Variants in OPCML observed in about 807,000 individuals in gnomAD.
The protein encoded by OPCML is opioid binding protein/cell adhesion molecule like.
In OPCML, 13 loss-of-function variants were observed where a neutral mutation model predicts 37.8. The observed-to-expected ratio is 0.34, with a 90% CI of 0.22 to 0.55. The LOEUF (loss-of-function observed/expected upper bound fraction) is 0.55. Ranked by LOEUF, OPCML falls within the 20% of genes least tolerant of loss-of-function variation. The pLI is 0.91. For synonymous variants in OPCML, 176 were observed against 168.8 expected (o/e 1.04, Z -0.33); for missense variants, 341 against 435.6 (o/e 0.78, Z 1.93).
intron 2 of OPCML, among the ~76,000 whole-genome samples, chr11:132,862,462 T>C (rs1339039920): frequency 1.3e-5 from 2 of 149,860 alleles, no homozygotes; most frequent in Non-Finnish European, 3.0e-5. Flanking sequence ...CATCATCGTA[T>C]CTAGCTCTGT....
chr11:133,401,200 A>C (rs1391409866), intron 1 of OPCML, among the ~76,000 whole-genome samples: 1 of 152,218 alleles, frequency 6.6e-6, no homozygotes, highest in East Asian at 1.9e-4. Context: ...GTGTGAGAGT[A>C]AAATGAAATA....
chr11:133,125,245 A>T (rs1379853195), intron 1 of OPCML, among the ~76,000 whole-genome samples: 1 of 152,136 alleles, frequency 6.6e-6, no homozygotes, highest in Admixed American at 6.5e-5. Context: ...TCCCTAAGTG[A>T]AAACATCCCT....
rs546198063 is a variant in OPCML at position 133,068,131 on chromosome 11, T to C, written c.62-125121A>G. On this transcript the variant is annotated intron_variant, in intron 1 of 7. Transcript: ENST00000524381. ...GTATTTATTTTAAAGCAGCAAAGAT[T>C]GATACTGACAGATGGTATTTTTATT... The C allele has an allele frequency of 9.8e-5, 15 of 152,346 alleles. No homozygotes were observed. The South Asian group carries it at 2.9e-3, about 29-fold the overall frequency. 9.4% of individuals were successfully genotyped at this position (152,346 alleles called of 1,614,324 possible).
At chr11:132,748,608 G>A (rs1188892438) in intron 2 of OPCML, among the ~76,000 whole-genome samples, 2 of 152,220 alleles carry the variant, frequency 1.3e-5, no homozygotes, top group Admixed American at 6.5e-5. Flanking sequence ...GCGCTGGCTG[G>A]AGAGGAAGGA....
At chr11:132,686,571 C>G (rs1344300134) in intron 2 of OPCML, among the ~76,000 whole-genome samples, 1 of 152,174 alleles carries the variant, frequency 6.6e-6, no homozygotes, top group Non-Finnish European at 1.5e-5. Context: ...TTATGGCCAG[C>G]ACATGGGTTC....
intron 2 of OPCML, among the ~76,000 whole-genome samples, chr11:132,662,396 T>C (rs1942013956): frequency 1.4e-5 from 2 of 144,036 alleles, no homozygotes; most frequent in South Asian, 4.5e-4. Context: ...GTTTTTATAT[T>C]TTGTCTTTGA....
At chr11:132,946,675 G>T (rs1260695124) in intron 1 of OPCML, among the ~76,000 whole-genome samples, 1 of 152,186 alleles carries the variant, frequency 6.6e-6, no homozygotes, top group Non-Finnish European at 1.5e-5. Flanking sequence ...TATGACAAAG[G>T]CAGCAGTGGG....
intron 3 of OPCML, among the ~76,000 whole-genome samples, chr11:132,560,531 C>CA (rs1187281770): frequency 2.0e-5 from 3 of 152,138 alleles, no homozygotes; most frequent in Non-Finnish European, 4.4e-5. Flanking sequence ...CACAAGTCCC[C>CA]AAAGTCCATT....
At chr11:132,567,597 G>A (rs935673834) in intron 3 of OPCML, among the ~76,000 whole-genome samples, 4 of 152,164 alleles carry the variant, frequency 2.6e-5, no homozygotes. Flanking sequence ...TCGGGCAGGG[G>A]GAGGCAAGGT....
chr11:132,638,145 A>G (rs938815694), intron 3 of OPCML, among the ~76,000 whole-genome samples: 4 of 129,884 alleles, frequency 3.1e-5, no homozygotes, highest in African/African-American at 8.6e-5. Flanking sequence ...TCAGAAAGCT[A>G]AAGAGCATAT....
chr11:132,603,331 A>G (rs183455828), intron 3 of OPCML, among the ~76,000 whole-genome samples: 2 of 152,318 alleles, frequency 1.3e-5, no homozygotes, highest in Admixed American at 6.5e-5. Flanking sequence ...ATCTTGTGCT[A>G]TAATCCCCTT....
intron 2 of OPCML, among the ~76,000 whole-genome samples, chr11:132,765,397 T>C (rs1946402590): frequency 6.6e-6 from 1 of 152,222 alleles, no homozygotes; most frequent in Admixed American, 6.5e-5. Context: ...TTTGGAAATT[T>C]AATGCGAGAT....
intron 1 of OPCML, among the ~76,000 whole-genome samples, chr11:133,133,386 T>C (rs1186420490): frequency 3.3e-5 from 5 of 152,208 alleles, no homozygotes; most frequent in Non-Finnish European, 7.3e-5. Context: ...CACATTTTCT[T>C]ACTGTCAGCT....
intron 1 of OPCML, among the ~76,000 whole-genome samples, chr11:133,165,158 G>A (rs931884666): frequency 2.6e-5 from 4 of 152,344 alleles, no homozygotes; most frequent in Non-Finnish European, 4.4e-5. Context: ...GCAAGCTGCC[G>A]CGCAGCCGCA....
At position 132,498,897 on chromosome 11, in the gene OPCML, A is replaced by C. The variant is rs146480347; in HGVS notation, c.505+30164T>G. ...TATTTTGCAAAAATGTGGTTGCTCC[A>C]AATCTCAAAAAAAATGAAAGCCAGA... On this transcript the variant is annotated intron_variant, in intron 4 of 7. Transcript: ENST00000524381. 4.7e-3 allele frequency among the ~76,000 whole-genome samples: 713 copies of C among 151,372 alleles called. 6 individuals are homozygous for C. Among genetic ancestry groups the C allele is most frequent in the African/African-American group, 0.016 (659 of 40,618 alleles).
intron 1 of OPCML, among the ~76,000 whole-genome samples, chr11:133,025,696 T>G (rs924619965): frequency 6.6e-6 from 1 of 151,656 alleles, no homozygotes; most frequent in Non-Finnish European, 1.5e-5. Context: ...GTTGAGATTA[T>G]GGGCATGAGC....
chr11:133,161,156 G>A (rs1406489440), intron 1 of OPCML, among the ~76,000 whole-genome samples: 1 of 152,206 alleles, frequency 6.6e-6, no homozygotes, highest in Non-Finnish European at 1.5e-5. Context: ...GTTTTATTGT[G>A]GTTTCTGTGG....
At chr11:132,443,456 C>G (rs952657075) in intron 4 of OPCML, among the ~76,000 whole-genome samples, 1 of 152,176 alleles carries the variant, frequency 6.6e-6, no homozygotes, top group Non-Finnish European at 1.5e-5. Context: ...GCAAGAGAGA[C>G]TATTACAGAC....
intron 2 of OPCML, among the ~76,000 whole-genome samples, chr11:132,815,861 C>A (rs896076518): frequency 1.3e-5 from 2 of 152,194 alleles, no homozygotes; most frequent in Non-Finnish European, 2.9e-5. Flanking sequence ...AAGAAGAATG[C>A]AACAGACACA....
Sources: allele counts gnomAD v4.1 joint callset (sites outside exome capture counted in the v4.1 genomes callset), GRCh38; gene constraint gnomAD v4.1.1; transcripts MANE v1.5; gene names NCBI Gene and HGNC (gene_info 2026-07-23, HGNC 2026-07-21).